Variants in SNTG1 observed in about 807,000 individuals in gnomAD.
SNTG1 encodes the protein syntrophin gamma 1, also known as gamma-1-syntrophin.
A neutral mutation model predicts 74.7 loss-of-function variants in SNTG1; 39 were observed. The ratio of observed to expected loss-of-function variants is 0.52; its 90% confidence interval spans 0.40 to 0.68. The LOEUF is 0.68. Among genes scored for constraint, SNTG1 ranks in the 30% least tolerant of loss-of-function variants. The pLI is 0.00. For synonymous variants in SNTG1, 254 were observed against 217.1 expected, an observed-to-expected ratio of 1.17 and a Z score of -1.49; for missense variants, 685 against 609.5, an observed-to-expected ratio of 1.12 and a Z score of -1.30.
At chr8:50,269,751 A>G (rs1168462423) in intron 2 of SNTG1, among the ~76,000 whole-genome samples, 2 of 152,110 alleles carry the variant, frequency 1.3e-5, no homozygotes, top group East Asian at 3.9e-4. Context: ...GAAAAAAAAC[A>G]GAGTTTTTTC....
At chr8:50,468,076 T>A (rs2093623638) in intron 8 of SNTG1, among the ~76,000 whole-genome samples, 1 of 151,862 alleles carries the variant, frequency 6.6e-6, no homozygotes, top group South Asian at 2.1e-4. Context: ...CTTTTATAAA[T>A]TTTCCATATA....
At chr8:50,150,319 T>C (rs2082021807) in intron 1 of SNTG1, among the ~76,000 whole-genome samples, 1 of 152,188 alleles carries the variant, frequency 6.6e-6, no homozygotes, top group Non-Finnish European at 1.5e-5. Flanking sequence ...TTTCTAAATA[T>C]ACAATCATGT....
At chr8:50,144,747 A>T (rs1024537058) in intron 1 of SNTG1, among the ~76,000 whole-genome samples, 3 of 152,180 alleles carry the variant, frequency 2.0e-5, no homozygotes, top group African/African-American at 7.2e-5. Flanking sequence ...GGAGTTGAGC[A>T]GTGGGTGGAT....
chr8:50,404,205 A>G (rs2092841439), intron 4 of SNTG1, among the ~76,000 whole-genome samples: 1 of 152,134 alleles, frequency 6.6e-6, no homozygotes, highest in Non-Finnish European at 1.5e-5. Flanking sequence ...ACACTCAGGA[A>G]CATATTTAAC....
chr8:50,550,744 C>T (rs1385555988), intron 11 of SNTG1, among the ~76,000 whole-genome samples: 1 of 151,330 alleles, frequency 6.6e-6, no homozygotes, highest in Non-Finnish European at 1.5e-5. Context: ...ATAAGGTTAC[C>T]GTTAATGCTG....
At chr8:50,046,865 C>T (rs1380175744) in intron 1 of SNTG1, among the ~76,000 whole-genome samples, 1 of 152,130 alleles carries the variant, frequency 6.6e-6, no homozygotes, top group African/African-American at 2.4e-5. Context: ...TCTTCATAAC[C>T]AAATTATTAG....
chr8:50,375,752 C>T (rs1410551167), intron 2 of SNTG1, among the ~76,000 whole-genome samples: 2 of 152,008 alleles, frequency 1.3e-5, no homozygotes, highest in Non-Finnish European at 2.9e-5. Flanking sequence ...AATTGACCCC[C>T]ATAACAAAAG....
In SNTG1 at chr8:50,338,062, G is replaced by T. The variant is rs974930771; in HGVS notation, c.-27-56150G>T. ...GAGGCAGGAGAATGGCGTGAACCTG[G>T]GAGGCGGAGCTTGCAGTGAGCCGAG... is the stretch of plus-strand genomic sequence containing the variant. On this transcript the variant is annotated intron_variant, in intron 2 of 18. Coordinates refer to ENST00000642720, the MANE Select transcript of SNTG1 (RefSeq NM_018967.5). Among the ~76,000 whole-genome samples the T allele has an allele frequency of 6.4e-5, 9 of 141,206 alleles. No individual in the cohort carries two copies. In the Admixed American group the frequency reaches 6.7e-4, roughly 11 times the overall value. The allele number at this position is 141,206 out of a possible 152,430, so 92.6% of individuals were successfully genotyped here.
chr8:50,103,653 A>T (rs968324386), intron 1 of SNTG1, among the ~76,000 whole-genome samples: 9 of 152,176 alleles, frequency 5.9e-5, no homozygotes, highest in Non-Finnish European at 1.2e-4. Flanking sequence ...TTCAAAGGGA[A>T]TGCTTCCAGT....
chr8:50,207,174 C>T lies in SNTG1; in HGVS notation c.-28+34539C>T, dbSNP rs542473336. 4.7e-4 allele frequency among the ~76,000 whole-genome samples: 71 copies of T among 152,186 alleles called. 1 individual carries two copies. Among genetic ancestry groups the T allele is most frequent in the Non-Finnish European group, 9.7e-4 (66 of 68,020 alleles). ...TCCTCTTTGTACCTCTGGTAGAATTCGACTGTGAATCCCTCTGGTCCTGGA... is the reference window on the plus strand; with the variant it reads ...TCCTCTTTGTACCTCTGGTAGAATTTGACTGTGAATCCCTCTGGTCCTGGA... On this transcript the variant is annotated intron_variant, in intron 2 of 18. Coordinates refer to ENST00000642720, the MANE Select transcript of SNTG1 (RefSeq NM_018967.5).
chr8:50,723,338 G>A (rs2095492288), intron 17 of SNTG1, among the ~76,000 whole-genome samples: 1 of 152,082 alleles, frequency 6.6e-6, no homozygotes, highest in South Asian at 2.1e-4. Context: ...ACCAAGTTCA[G>A]CAAATTAAGA....
At chr8:50,324,351 T>C (rs553868552) in intron 2 of SNTG1, among the ~76,000 whole-genome samples, 2 of 152,336 alleles carry the variant, frequency 1.3e-5, no homozygotes, top group East Asian at 3.9e-4. Flanking sequence ...TATGCCACAG[T>C]TGTTGGCATT....
intron 2 of SNTG1, among the ~76,000 whole-genome samples, chr8:50,182,440 TAA>T (rs1173752453): frequency 6.6e-6 from 1 of 152,122 alleles, no homozygotes; most frequent in Non-Finnish European, 1.5e-5. Context: ...CTATAAGAAA[TAA>T]ATCTTTAGTT....
intron 17 of SNTG1, among the ~76,000 whole-genome samples, chr8:50,716,925 A>C (rs1300746538): frequency 1.3e-5 from 2 of 151,594 alleles, no homozygotes; most frequent in Non-Finnish European, 2.9e-5. Context: ...TTTAGTGGAG[A>C]CTAAGTTTCA....
At chr8:50,784,759 A>G (rs2131846743) in intron 18 of SNTG1, among the ~76,000 whole-genome samples, 1 of 152,322 alleles carries the variant, frequency 6.6e-6, no homozygotes, top group South Asian at 2.1e-4. Flanking sequence ...AATATCTAAG[A>G]TCTAACTACA....
chr8:50,663,313 G>A lies in SNTG1; in HGVS notation c.1038+4650G>A, dbSNP rs558086978. Among the ~76,000 whole-genome samples the A allele has an allele frequency of 2.1e-4, 32 of 152,258 alleles. 1 individual carries two copies. The highest frequency in any genetic ancestry group is 7.0e-4 in the African/African-American group (29 of 41,550). On this transcript the variant is annotated intron_variant, in intron 15 of 18. Transcript: ENST00000642720. The stretch of plus-strand genomic sequence containing the variant: ...ACATGAACTTTATCTGAGGAACAAA[G>A]GACAGCCACTAAAGCATGTCAAGCA...
At chr8:50,369,486 C>T (rs1178527441) in intron 2 of SNTG1, among the ~76,000 whole-genome samples, 1 of 151,946 alleles carries the variant, frequency 6.6e-6, no homozygotes, top group Non-Finnish European at 1.5e-5. Flanking sequence ...ATCCCAGCTA[C>T]TTGGGAGGCT....
intron 1 of SNTG1, among the ~76,000 whole-genome samples, chr8:50,021,943 AAAAAATAAAAAT>A (rs1308968444): frequency 1.4e-5 from 2 of 146,672 alleles, no homozygotes; most frequent in Admixed American, 6.9e-5. Context: ...CCTCTCAAAA[AAAAAATAAAAAT>A]AAAAATAAAA....
At chr8:50,779,507 C>T (rs1039935606) in intron 18 of SNTG1, among the ~76,000 whole-genome samples, 9 of 151,840 alleles carry the variant, frequency 5.9e-5, no homozygotes. Context: ...CTCTGTTTGT[C>T]TTTTATTGGT....
Sources: gnomAD v4.1 joint callset for allele counts (sites outside exome capture counted in the v4.1 genomes callset) on GRCh38, gnomAD v4.1.1 for gene constraint, MANE v1.5 for transcripts, NCBI Gene and HGNC (gene_info 2026-07-23, HGNC 2026-07-21) for gene names.